CYP2R1: variants seen among roughly 807,000 people sequenced by gnomAD.
The protein encoded by CYP2R1 is vitamin D 25-hydroxylase.
A neutral mutation model predicts 45.7 loss-of-function variants in CYP2R1; 40 were observed. The ratio of observed to expected loss-of-function variants is 0.87; its 90% CI spans 0.68 to 1.14. The LOEUF (loss-of-function observed/expected upper bound fraction) is 1.14. Ranked by LOEUF, CYP2R1 falls within the 50% of genes most tolerant of loss-of-function variation. The pLI is 0.00. For missense variants in CYP2R1, 605 were observed against 602.6 expected (o/e 1.00, Z -0.04); for synonymous variants, 234 against 219.3 (o/e 1.07, Z -0.59).
intron 1 of CYP2R1, among the ~76,000 whole-genome samples, chr11:14,889,903 C>T (rs782522403): frequency 6.6e-6 from 1 of 152,182 alleles, no homozygotes; most frequent in East Asian, 1.9e-4. Context: ...CCGAGGCGGG[C>T]AGATCACGAG....
Position 14,880,589 on chromosome 11 carries a change from T to C in CYP2R1, c.547A>G (p.Ile183Val). 5 of 1,613,170 alleles carry C rather than the reference T, an allele frequency of 3.1e-6. No individual in the cohort carries two copies. The highest frequency in any genetic ancestry group is 4.2e-6 in the Non-Finnish European group (5 of 1,179,482). ...GTTATGTTTGAAACAGCATTCGTTA[T>C]TAACTGTTTAAAGTCAAAAGGTCTA... ...KGRPFDFKQL[I>V]TNAVSNITNL... Residue 183 changes from isoleucine to valine, a missense_variant, in exon 3 of 5, where the codon ATA becomes GTA. Transcript: ENST00000334636.
At position 14,891,178 on chromosome 11, in the gene CYP2R1, C is replaced by T. The variant is rs529068538; in HGVS notation, c.225+803G>A. The T allele has an allele frequency of 2.0e-5, 20 of 985,384 alleles. No individual in the cohort carries two copies. The African/African-American group carries it at 3.1e-4, about 15-fold the overall frequency. 61.0% of individuals were successfully genotyped at this position (985,384 alleles called of 1,614,324 possible). On this transcript the variant is annotated intron_variant, in intron 1 of 4. Transcript: ENST00000334636. ...ACACAAGCGGTGGTCGCCTTTTCCGCTGCCAGTCACAGGGCATTTCCGTGC... is the reference window on the plus strand; with the variant it reads ...ACACAAGCGGTGGTCGCCTTTTCCGTTGCCAGTCACAGGGCATTTCCGTGC...
Position 14,880,587 on chromosome 11 carries a change from T to G in CYP2R1, c.549A>C (p.Ile183=), listed in dbSNP as rs539947953. 1.5e-5 allele frequency: 25 copies of G among 1,613,204 alleles called. No individual in the cohort carries two copies. The South Asian group carries it at 2.7e-4, about 18-fold the overall frequency. ...TGGTTATGTTTGAAACAGCATTCGT[T>G]ATTAACTGTTTAAAGTCAAAAGGTC... ...KGRPFDFKQL[I]TNAVSNITNL... The change falls in exon 3 of 5, where the codon ATA becomes ATC. Residue 183 remains isoleucine, a synonymous_variant. Coordinates refer to ENST00000334636, the MANE Select transcript of CYP2R1 (RefSeq NM_024514.5).
At chr11:14,879,052 T>C in intron 4 of CYP2R1, 62 bp downstream of exon 4, 1 of 1,298,302 alleles carries the variant, frequency 7.7e-7, no homozygotes, top group Non-Finnish European at 1.1e-6. Context: ...ATTAAGATGC[T>C]GTATCTAATG....
In CYP2R1 at chr11:14,877,757, G is replaced by A. The variant is rs571186338; in HGVS notation, c.*365C>T. On this transcript the variant is annotated 3_prime_UTR_variant, in exon 5 of 5. Transcript: ENST00000334636. ...GACAATACCTGATCAGAAGGGAGCTGGTTTCTGGAACCAAGGCCCCCCAGG... is the reference window on the plus strand; with the variant it reads ...GACAATACCTGATCAGAAGGGAGCTAGTTTCTGGAACCAAGGCCCCCCAGG... The A allele has an allele frequency of 9.9e-6, 2 of 201,822 alleles. No individual in the cohort carries two copies. Among genetic ancestry groups the A allele is most frequent in the African/African-American group, 4.7e-5 (2 of 42,880 alleles). The allele number at this position is 201,822 out of a possible 1,614,324, so 12.5% of individuals were successfully genotyped here. A position where few individuals can be genotyped will look rare whatever the true frequency, so the allele number is the denominator to read the frequency against.
rs782384229 is a variant in CYP2R1, at chr11:14,892,066, G to T, written c.140C>A (p.Pro47Gln). The T allele has an allele frequency of 1.2e-6, 2 of 1,611,988 alleles. No homozygotes were observed. The highest frequency in any genetic ancestry group is 1.1e-5 in the South Asian group (1 of 91,034). The change falls in exon 1 of 5, where the codon CCA (proline) becomes CAA (glutamine). Residue 47 changes from proline (P) to glutamine (Q), a missense_variant. Pro to Gln is a moderately conservative substitution (Grantham distance 76). Transcript: ENST00000334636. ...CAGGGAATAGATGTTGCCGATAAATGGCAGCCCCGGCGGCCCCGGGGGGAA... is the reference window on the plus strand; with the variant it reads ...CAGGGAATAGATGTTGCCGATAAATTGCAGCCCCGGCGGCCCCGGGGGGAA... The part of the protein sequence containing the change: ...MGFPPGPPGL[P>Q]FIGNIYSLAA...
In CYP2R1 at chr11:14,885,868, T is replaced by C. The variant is rs782610438; in HGVS notation, c.275A>G (p.Tyr92Cys). 49 of 1,613,522 alleles carry C rather than the reference T, an allele frequency of 3.0e-5. No individual in the cohort carries two copies. The highest frequency in any genetic ancestry group is 1.3e-4 in the Admixed American group (8 of 59,978). The stretch of plus-strand genomic sequence containing the variant: ...AACAAGGCATTCCTTTACTACATCA[T>C]AGCCATTTAGAACCACAGTTGATAT... ...GGISTVVLNG[Y>C]DVVKECLVHQ... The change falls in exon 2 of 5, where the codon TAT (tyrosine) becomes TGT (cysteine). Residue 92 changes from tyrosine to cysteine, a missense_variant. Transcript: ENST00000334636.
chr11:14,890,040 A>G (rs1848772086), intron 1 of CYP2R1, among the ~76,000 whole-genome samples: 1 of 151,980 alleles, frequency 6.6e-6, no homozygotes, highest in Non-Finnish European at 1.5e-5. Flanking sequence ...GAGGCAGGAG[A>G]ATGGCGTGAA....
In CYP2R1 at chr11:14,880,651, G is replaced by T. The variant is rs781861583; in HGVS notation, c.485C>A (p.Thr162Asn). ...TTCAATAGCATCATTGAAAAATTTG[G>T]TTTCTTCCAAGATTTTAGATTCAAA... is the stretch of plus-strand genomic sequence containing the variant. ...KSFESKILEE[T>N]KFFNDAIETY... The change falls in exon 3 of 5, where the codon ACC (threonine) becomes AAC (asparagine). Residue 162 changes from threonine (T) to asparagine (N), a missense_variant. Coordinates refer to ENST00000334636, the MANE Select transcript of CYP2R1 (RefSeq NM_024514.5). 1 of 1,598,260 alleles carries T rather than the reference G, an allele frequency of 6.3e-7. No individual in the cohort carries two copies. The highest frequency in any genetic ancestry group is 8.5e-7 in the Non-Finnish European group (1 of 1,173,914).
At chr11:14,891,919 G>A (rs1362053825) in intron 1 of CYP2R1, 62 bp downstream of exon 1, 1 of 1,567,084 alleles carries the variant, frequency 6.4e-7, no homozygotes, top group African/African-American at 1.4e-5. Context: ...CAACCAGGAA[G>A]GCCCTGGCCA....
chr11:14,889,462 G>A (rs1443704032), intron 1 of CYP2R1, among the ~76,000 whole-genome samples: 1 of 152,176 alleles, frequency 6.6e-6, no homozygotes, highest in Non-Finnish European at 1.5e-5. Context: ...TTATCAACTA[G>A]ATCTAAGGCA....
At chr11:14,891,150 C>T (rs985563101) in intron 1 of CYP2R1, 2 of 985,478 alleles carry the variant, frequency 2.0e-6, no homozygotes, top group Admixed American at 6.1e-5. Context: ...TCGGGACACC[C>T]ACACACAAGC....
rs1555011998 is a variant in CYP2R1, at chr11:14,880,755, G to A, written c.381C>T (p.Ser127=). 1.9e-6 allele frequency: 3 copies of A among 1,607,452 alleles called. No individual in the cohort carries two copies. Among genetic ancestry groups the A allele is most frequent in the Non-Finnish European group, 1.7e-6 (2 of 1,177,920 alleles). Residue 127 remains serine, a synonymous_variant, in exon 3 of 5, where the codon TCC becomes TCT. Coordinates refer to ENST00000334636, the MANE Select transcript of CYP2R1 (RefSeq NM_024514.5). Reference sequence around the variant, plus strand: ...GATCAACCCATCCTCGGCCATATCTGGAATTGAGTAAGCCTGAAAAAAAAT... The same window carrying A: ...GATCAACCCATCCTCGGCCATATCTAGAATTGAGTAAGCCTGAAAAAAAAT... ...KMTKMGGLLN[S]RYGRGWVDHR...
chr11:14,889,371 A>C (rs1555015835), intron 1 of CYP2R1, among the ~76,000 whole-genome samples: 1 of 152,196 alleles, frequency 6.6e-6, no homozygotes, highest in Non-Finnish European at 1.5e-5. Flanking sequence ...TATCTCTAAG[A>C]TAATGGGAGA....
chr11:14,891,398 G>C, intron 1 of CYP2R1: 1 of 985,736 alleles, frequency 1.0e-6, no homozygotes, highest in Non-Finnish European at 1.2e-6. Flanking sequence ...GCGGATTTTA[G>C]TCATCAATTC....
intron 1 of CYP2R1, among the ~76,000 whole-genome samples, chr11:14,889,159 C>A: frequency 7.5e-6 from 1 of 132,654 alleles, no homozygotes; most frequent in Non-Finnish European, 1.6e-5. Context: ...TTTTAAAGTC[C>A]AGTTGTTTTT....
At chr11:14,882,300 T>G (rs535261729) in intron 2 of CYP2R1, among the ~76,000 whole-genome samples, 1 of 151,962 alleles carries the variant, frequency 6.6e-6, no homozygotes, top group African/African-American at 2.4e-5. Flanking sequence ...TAAAAAGATA[T>G]AGGGTAGTCA....
intron 2 of CYP2R1, among the ~76,000 whole-genome samples, chr11:14,885,439 C>T (rs782433869): frequency 3.3e-5 from 5 of 152,124 alleles, no homozygotes; most frequent in Non-Finnish European, 7.4e-5. Flanking sequence ...TCACCAAGTA[C>T]TCAAGACTAG....
chr11:14,883,106 G>T (rs577794719), intron 2 of CYP2R1, among the ~76,000 whole-genome samples: 1 of 152,218 alleles, frequency 6.6e-6, no homozygotes, highest in East Asian at 1.9e-4. Flanking sequence ...TGGCCATACT[G>T]CCCAAGGTAA....
Sources: gnomAD v4.1 joint callset for allele counts (sites outside exome capture counted in the v4.1 genomes callset) on GRCh38, gnomAD v4.1.1 for gene constraint, MANE v1.5 for transcripts, NCBI Gene and HGNC (gene_info 2026-07-23, HGNC 2026-07-21) for gene names.